The following CCSER1 variants were observed in gnomAD, a reference collection of about 807,000 sequenced individuals.
The protein encoded by CCSER1 is coiled-coil serine rich protein 1, also known as serine-rich coiled-coil domain-containing protein 1.
Under a neutral mutation model 82.0 loss-of-function variants are expected in CCSER1, and 41 were observed. The ratio of observed to expected loss-of-function variants is 0.50; its 90% CI spans 0.39 to 0.65. The LOEUF is 0.65. CCSER1 is among the 30% of genes least tolerant of loss of function. CCSER1 has a pLI of 0.00. For synonymous variants in CCSER1, 414 were observed against 383.9 expected (o/e 1.08, Z -0.92); for missense variants, 1,119 against 1,064.2 (o/e 1.05, Z -0.72).
intron 1 of CCSER1, among the ~76,000 whole-genome samples, chr4:90,203,968 T>G (rs1205330155): frequency 6.6e-6 from 1 of 152,210 alleles, no homozygotes; most frequent in Non-Finnish European, 1.5e-5. Flanking sequence ...TTTCCTATGT[T>G]TGTTGGCTGT....
chr4:90,511,106 T>C (rs1020808803), intron 5 of CCSER1, among the ~76,000 whole-genome samples: 2 of 152,160 alleles, frequency 1.3e-5, no homozygotes, highest in African/African-American at 4.8e-5. Context: ...CAAATGTTAC[T>C]GAGAGATAGA....
chr4:91,264,843 TAGG>T (rs1741453641), intron 10 of CCSER1, among the ~76,000 whole-genome samples: 1 of 151,958 alleles, frequency 6.6e-6, no homozygotes, highest in Non-Finnish European at 1.5e-5. Context: ...TGATTATAAG[TAGG>T]AGGGTAAATC....
intron 1 of CCSER1, among the ~76,000 whole-genome samples, chr4:90,198,807 T>C (rs1737089417): frequency 6.6e-6 from 1 of 152,130 alleles, no homozygotes; most frequent in Non-Finnish European, 1.5e-5. Flanking sequence ...AAAATTGTTT[T>C]CAGAAATCTC....
At chr4:90,585,672 G>C (rs1268347769) in intron 5 of CCSER1, among the ~76,000 whole-genome samples, 1 of 151,558 alleles carries the variant, frequency 6.6e-6, no homozygotes, top group Admixed American at 6.6e-5. Flanking sequence ...TTCATTTAAT[G>C]CTGGCTGATG....
chr4:91,273,462 G>A (rs528471929), intron 10 of CCSER1, among the ~76,000 whole-genome samples: 9 of 152,132 alleles, frequency 5.9e-5, no homozygotes, highest in East Asian at 3.9e-4. Context: ...TTTTGTATCC[G>A]GAAACTTTGC....
intron 9 of CCSER1, among the ~76,000 whole-genome samples, chr4:90,962,023 T>C (rs1734099898): frequency 1.3e-5 from 2 of 152,112 alleles, no homozygotes; most frequent in Admixed American, 1.3e-4. Flanking sequence ...TTGAGCACTT[T>C]TTCTATGTTA....
chr4:91,179,282 G>C (rs1425912220), intron 10 of CCSER1, among the ~76,000 whole-genome samples: 1 of 152,068 alleles, frequency 6.6e-6, no homozygotes, highest in Non-Finnish European at 1.5e-5. Flanking sequence ...TATGTGTCTT[G>C]GGGTTACTCT....
intron 5 of CCSER1, among the ~76,000 whole-genome samples, chr4:90,538,198 G>A (rs1443940605): frequency 6.6e-6 from 1 of 152,068 alleles, no homozygotes; most frequent in East Asian, 1.9e-4. Flanking sequence ...CCTGTGAGTA[G>A]GGATGGGGCT....
chr4:91,401,050 G>T (rs1285192633), intron 10 of CCSER1, among the ~76,000 whole-genome samples: 6 of 151,626 alleles, frequency 4.0e-5, no homozygotes, highest in Non-Finnish European at 5.9e-5. Flanking sequence ...TCGAGATAAA[G>T]AAAATGTGAA....
intron 5 of CCSER1, among the ~76,000 whole-genome samples, chr4:90,523,232 T>C (rs1773351252): frequency 6.6e-6 from 1 of 152,050 alleles, no homozygotes; most frequent in Admixed American, 6.5e-5. Context: ...AAAGGAGAAA[T>C]TGAGTAAATG....
chr4:90,577,167 T>C (rs1780863734), intron 5 of CCSER1, among the ~76,000 whole-genome samples: 1 of 152,154 alleles, frequency 6.6e-6, no homozygotes, highest in South Asian at 2.1e-4. Flanking sequence ...TCTGTATATC[T>C]TTTTGTTGAC....
chr4:91,605,087 A>T lies in CCSER1; in HGVS notation c.*6030A>T, dbSNP rs1469696447. 1 of 152,018 alleles carries T rather than the reference A, an allele frequency of 6.6e-6. No homozygotes were observed. Among genetic ancestry groups the T allele is most frequent in the Non-Finnish European group, 1.5e-5 (1 of 67,926 alleles). The allele number at this position is 152,018 out of a possible 1,614,324, so 9.4% of individuals were successfully genotyped here. A position where few individuals can be genotyped will look rare whatever the true frequency, so the allele number is the denominator to read the frequency against. Reference sequence around the variant, plus strand: ...TTTAGTGAGAAAGATAATAAATAGAAAATTACCCTGGAAATTAAAATTTTT... The same window carrying T: ...TTTAGTGAGAAAGATAATAAATAGATAATTACCCTGGAAATTAAAATTTTT... On this transcript the variant is annotated 3_prime_UTR_variant, in exon 11 of 11. Coordinates refer to ENST00000509176, the MANE Select transcript of CCSER1 (RefSeq NM_001145065.2).
At chr4:90,571,148 A>G (rs1017889795) in intron 5 of CCSER1, among the ~76,000 whole-genome samples, 1 of 152,234 alleles carries the variant, frequency 6.6e-6, no homozygotes, top group African/African-American at 2.4e-5. Context: ...AAATTAGTCC[A>G]GTCCCCGTGG....
intron 10 of CCSER1, among the ~76,000 whole-genome samples, chr4:91,459,377 G>A (rs1756374480): frequency 6.6e-6 from 1 of 152,092 alleles, no homozygotes; most frequent in African/African-American, 2.4e-5. Flanking sequence ...ATAGGCATGA[G>A]TGTTTCTGGG....
chr4:91,040,900 G>A (rs1310227529), intron 9 of CCSER1, among the ~76,000 whole-genome samples: 1 of 152,040 alleles, frequency 6.6e-6, no homozygotes, highest in South Asian at 2.1e-4. Context: ...TATTTGGAGG[G>A]GAATAAAGTG....
intron 10 of CCSER1, among the ~76,000 whole-genome samples, chr4:91,593,469 T>G (rs1341281331): frequency 1.5e-5 from 2 of 131,290 alleles, no homozygotes; most frequent in Non-Finnish European, 3.3e-5. Context: ...ACCCCGTGCT[T>G]TTTTTTTTTT....
At chr4:90,870,815 CTTTT>C (rs35869800) in intron 8 of CCSER1, among the ~76,000 whole-genome samples, 3 of 109,548 alleles carry the variant, frequency 2.7e-5, no homozygotes, top group Non-Finnish European at 5.7e-5. Flanking sequence ...AGGTCCTTGG[CTTTT>C]TTTTTTTTTT....
At chr4:90,357,723 C>T (rs537873744) in intron 3 of CCSER1, among the ~76,000 whole-genome samples, 1 of 152,046 alleles carries the variant, frequency 6.6e-6, no homozygotes, top group African/African-American at 2.4e-5. Context: ...ATGGTGTGTA[C>T]CACAAAAATA....
At chr4:90,492,954 T>C (rs899640732) in intron 5 of CCSER1, among the ~76,000 whole-genome samples, 6 of 152,074 alleles carry the variant, frequency 3.9e-5, no homozygotes, top group Non-Finnish European at 1.5e-5. Context: ...CTTCAGAAGA[T>C]CAAACTTCTC....
Sources: gnomAD v4.1 joint callset for allele counts (sites outside exome capture counted in the v4.1 genomes callset) on GRCh38, gnomAD v4.1.1 for gene constraint, MANE v1.5 for transcripts, NCBI Gene and HGNC (gene_info 2026-07-23, HGNC 2026-07-21) for gene names.